ZMYND11: variants seen among roughly 807,000 people sequenced by gnomAD.
ZMYND11 encodes the protein zinc finger MYND domain-containing protein 11.
In ZMYND11, 9 loss-of-function variants were observed where a neutral mutation model predicts 84.9. The ratio of observed to expected loss-of-function variants is 0.11; its 90% CI spans 0.06 to 0.18. The LOEUF (loss-of-function observed/expected upper bound fraction) is 0.18. Ranked by LOEUF, ZMYND11 falls within the 10% of genes least tolerant of loss-of-function variation. The probability of loss-of-function intolerance (pLI) is 1.00; values close to 1 mark genes in which losing one functional copy is unlikely to be tolerated. For synonymous variants in ZMYND11, 250 were observed against 244.1 expected, an observed-to-expected ratio of 1.02 and a Z score of -0.23; for missense variants, 409 against 761.0, an observed-to-expected ratio of 0.54 and a Z score of 5.44.
chr10:166,146 A>G (rs1361943965), intron 1 of ZMYND11, among the ~76,000 whole-genome samples: 1 of 152,202 alleles, frequency 6.6e-6, no homozygotes, highest in East Asian at 1.9e-4. Flanking sequence ...CCAGAACCCT[A>G]AAACTTGTAA....
chr10:197,990 T>C (rs1367457071), intron 2 of ZMYND11: 2 of 645,564 alleles, frequency 3.1e-6, no homozygotes, highest in East Asian at 5.8e-5. Context: ...ATTAGTTGTA[T>C]CATTGTTATA....
intron 3 of ZMYND11, among the ~76,000 whole-genome samples, chr10:215,554 G>GTTTTTTT (rs1184243840): frequency 6.7e-6 from 1 of 148,686 alleles, no homozygotes; most frequent in African/African-American, 2.5e-5. Context: ...GGGCATCTTT[G>GTTTTTTT]TTTTTTGTTT....
intron 4 of ZMYND11, among the ~76,000 whole-genome samples, chr10:223,730 G>C (rs6560796): frequency 1.3e-5 from 2 of 152,098 alleles, no homozygotes; most frequent in African/African-American, 2.4e-5. Flanking sequence ...TTTGAGAAGG[G>C]GTAATAATAA....
upstream of ZMYND11, among the ~76,000 whole-genome samples, chr10:133,517 T>C (rs1283743955): frequency 6.6e-6 from 1 of 152,154 alleles, no homozygotes; most frequent in African/African-American, 2.4e-5. Flanking sequence ...CCCTACAAAG[T>C]ATAACTGGGA....
chr10:151,027 T>C (rs1239117921), intron 1 of ZMYND11, among the ~76,000 whole-genome samples: 2 of 152,076 alleles, frequency 1.3e-5, no homozygotes, highest in African/African-American at 4.8e-5. Context: ...GAAGGAAAAC[T>C]AACAAACAGA....
At chr10:239,204 TGTA>T (rs1056093537) in intron 6 of ZMYND11, among the ~76,000 whole-genome samples, 4 of 152,230 alleles carry the variant, frequency 2.6e-5, no homozygotes, top group African/African-American at 9.6e-5. Flanking sequence ...GATAAATTAA[TGTA>T]GTGTCTTTGT....
At chr10:226,398 A>T (rs1020835957) in intron 4 of ZMYND11, among the ~76,000 whole-genome samples, 1 of 152,094 alleles carries the variant, frequency 6.6e-6, no homozygotes, top group Non-Finnish European at 1.5e-5. Context: ...TCCCCAAAAT[A>T]ATTGGCACTT....
intron 4 of ZMYND11, among the ~76,000 whole-genome samples, chr10:233,530 G>A (rs1393832397): frequency 1.3e-5 from 2 of 152,196 alleles, no homozygotes; most frequent in African/African-American, 4.8e-5. Flanking sequence ...ATGGTGCTCT[G>A]TTAAAATGAG....
intron 4 of ZMYND11, among the ~76,000 whole-genome samples, chr10:234,553 A>G (rs1279458996): frequency 6.6e-6 from 1 of 152,236 alleles, no homozygotes; most frequent in South Asian, 2.1e-4. Flanking sequence ...AAGACTTCTA[A>G]CCTGGTGTAG....
chr10:180,509 C>T (rs1217034792), intron 2 of ZMYND11, among the ~76,000 whole-genome samples: 1 of 152,240 alleles, frequency 6.6e-6, no homozygotes, highest in Non-Finnish European at 1.5e-5. Flanking sequence ...AAGTGATTCT[C>T]CAGCCTCAGC....
intron 4 of ZMYND11, among the ~76,000 whole-genome samples, chr10:232,332 C>G (rs1949145799): frequency 6.6e-6 from 1 of 152,202 alleles, no homozygotes; most frequent in African/African-American, 2.4e-5. Flanking sequence ...ACAGAATGTG[C>G]AATGTCCTGT....
chr10:238,754 T>C (rs1040959762), intron 6 of ZMYND11, among the ~76,000 whole-genome samples: 1 of 152,164 alleles, frequency 6.6e-6, no homozygotes, highest in Non-Finnish European at 1.5e-5. Flanking sequence ...TGGTAAATCC[T>C]GGAACAAAAC....
intron 2 of ZMYND11, among the ~76,000 whole-genome samples, chr10:199,769 G>A (rs1471665966): frequency 6.6e-6 from 1 of 152,028 alleles, no homozygotes; most frequent in African/African-American, 2.4e-5. Flanking sequence ...TTTATTAACT[G>A]CATAGTATTC....
Position 209,955 on chromosome 10 carries a change from A to G in ZMYND11, c.183A>G (p.Lys61=), listed in dbSNP as rs567951588. 2 of 1,614,124 alleles carry G rather than the reference A, an allele frequency of 1.2e-6. No individual in the cohort carries two copies. Among genetic ancestry groups the G allele is most frequent in the East Asian group, 4.5e-5 (2 of 44,866 alleles). Residue 61 remains lysine, a synonymous_variant, in exon 3 of 15, where the codon AAA becomes AAG. Transcript: ENST00000381604. ...ETTRQLSLAV[K]DGLIVETLTV... ...CCCGTCAGCTGAGCTTAGCTGTGAAAGATGGTCTTATTGTCGAAACTCTAA... is the reference window on the plus strand; with the variant it reads ...CCCGTCAGCTGAGCTTAGCTGTGAAGGATGGTCTTATTGTCGAAACTCTAA...
chr10:250,282 C>G (rs1444716470), intron 14 of ZMYND11, among the ~76,000 whole-genome samples: 1 of 152,200 alleles, frequency 6.6e-6, no homozygotes, highest in African/African-American at 2.4e-5. Flanking sequence ...GTGTGATCAA[C>G]TCTCACAATA....
chr10:234,982 A>ATG (rs60483060), intron 4 of ZMYND11, among the ~76,000 whole-genome samples: 15,048 of 148,816 alleles, frequency 0.1, 1,768 homozygotes, highest in African/African-American at 0.29. Context: ...TATTTCGCAA[A>ATG]TGTGTGTGTG....
intron 4 of ZMYND11, 57 bp downstream of exon 4, chr10:221,413 G>A: frequency 6.5e-7 from 1 of 1,547,972 alleles, no homozygotes; most frequent in East Asian, 2.3e-5. Flanking sequence ...ATTCATAATA[G>A]CTTCAAAAAG....
At chr10:242,739 C>G (rs1447311831) in intron 10 of ZMYND11, among the ~76,000 whole-genome samples, 4 of 152,118 alleles carry the variant, frequency 2.6e-5, no homozygotes. Context: ...CCTGTCATGC[C>G]AGGAGGTTAT....
chr10:230,853 A>G (rs374810886), intron 4 of ZMYND11, among the ~76,000 whole-genome samples: 9 of 152,308 alleles, frequency 5.9e-5, no homozygotes, highest in East Asian at 1.9e-4. Context: ...GTTCAATTCA[A>G]CTGATACGTA....
Sources: allele counts gnomAD v4.1 joint callset (sites outside exome capture counted in the v4.1 genomes callset), GRCh38; gene constraint gnomAD v4.1.1; transcripts MANE v1.5; gene names NCBI Gene and HGNC (gene_info 2026-07-23, HGNC 2026-07-21).